STXBP5: variants seen among roughly 807,000 people sequenced by gnomAD.
STXBP5 encodes the protein syntaxin-binding protein 5.
Under a neutral mutation model 152.4 loss-of-function variants are expected in STXBP5, and 50 were observed. That is an observed-to-expected ratio of 0.33 (90% CI 0.26 to 0.42). STXBP5 has a LOEUF of 0.42. Ranked by LOEUF, STXBP5 falls within the 10% of genes least tolerant of loss-of-function variation. STXBP5 has a pLI of 1.00. For synonymous variants in STXBP5, 492 were observed against 494.7 expected (o/e 0.99, Z 0.07); for missense variants, 1,167 against 1,388.6 (o/e 0.84, Z 2.54).
At chr6:147,382,585 G>A (rs1786140632) in intron 26 of STXBP5, among the ~76,000 whole-genome samples, 193 bp from the exon 27 acceptor site, 2 of 151,998 alleles carry the variant, frequency 1.3e-5, no homozygotes, top group African/African-American at 2.4e-5. Context: ...GTTTTTGCAT[G>A]TTTGAAAAAG....
intron 11 of STXBP5, among the ~76,000 whole-genome samples, chr6:147,311,740 G>A (rs904121167): frequency 6.6e-6 from 1 of 151,938 alleles, no homozygotes; most frequent in Non-Finnish European, 1.5e-5. Context: ...GTAAAAATTT[G>A]TTGTAGTTCT....
At chr6:147,329,617 CTTTTTTTTTT>C (rs34913817) in intron 18 of STXBP5, among the ~76,000 whole-genome samples, 5 of 71,708 alleles carry the variant, frequency 7.0e-5, no homozygotes, top group East Asian at 5.1e-4. Flanking sequence ...GTTCTTCAGG[CTTTTTTTTTT>C]TTTTTTTTTT....
At chr6:147,338,535 CA>C (rs1783939959) in intron 19 of STXBP5, among the ~76,000 whole-genome samples, 1 of 151,368 alleles carries the variant, frequency 6.6e-6, no homozygotes, top group Admixed American at 6.6e-5. Flanking sequence ...AAAAATTACC[CA>C]AAAAATCTTA....
intron 9 of STXBP5, among the ~76,000 whole-genome samples, chr6:147,309,583 G>T (rs897415609): frequency 6.6e-6 from 1 of 152,070 alleles, no homozygotes; most frequent in East Asian, 1.9e-4. Context: ...ATCAGCCAAG[G>T]TTCTAGAAGA....
intron 8 of STXBP5, among the ~76,000 whole-genome samples, chr6:147,278,594 AC>A (rs1780555104): frequency 6.6e-6 from 1 of 152,040 alleles, no homozygotes; most frequent in African/African-American, 2.4e-5. Context: ...AATACTTGGA[AC>A]CCTGTAGAAG....
intron 2 of STXBP5, among the ~76,000 whole-genome samples, chr6:147,231,235 A>G (rs1055577715): frequency 2.6e-5 from 4 of 151,122 alleles, no homozygotes; most frequent in African/African-American, 7.3e-5. Flanking sequence ...TATTGCTTAC[A>G]TAGAGGGTCA....
At chr6:147,273,820 T>C (rs546937394) in intron 7 of STXBP5, among the ~76,000 whole-genome samples, 8 of 151,756 alleles carry the variant, frequency 5.3e-5, no homozygotes, top group Non-Finnish European at 8.8e-5. Flanking sequence ...GGTGTGGTGG[T>C]GGGCACCTGT....
intron 26 of STXBP5, among the ~76,000 whole-genome samples, chr6:147,374,552 A>C (rs1785718929): frequency 6.6e-6 from 1 of 152,212 alleles, no homozygotes; most frequent in African/African-American, 2.4e-5. Flanking sequence ...GGGGACTGAT[A>C]ATTTGGGATA....
Position 147,206,078 on chromosome 6 carries a change from C to A in STXBP5, c.248+10C>A. Reference sequence around the variant, plus strand: ...CTGGTGCTTTAAGGCTGTATCCTTTCTTTAATTTTATTTTTTAACTTCTAC... The same window carrying A: ...CTGGTGCTTTAAGGCTGTATCCTTTATTTAATTTTATTTTTTAACTTCTAC... On this transcript the variant is annotated intron_variant, in intron 2 of 27. Transcript: ENST00000321680. 6.2e-7 allele frequency: 1 copy of A among 1,608,086 alleles called. No homozygotes were observed. Among genetic ancestry groups the A allele is most frequent in the Non-Finnish European group, 8.5e-7 (1 of 1,174,854 alleles).
At chr6:147,323,395 CTT>C (rs1245885825) in intron 16 of STXBP5, among the ~76,000 whole-genome samples, 5 of 146,246 alleles carry the variant, frequency 3.4e-5, no homozygotes, top group Non-Finnish European at 3.0e-5. Flanking sequence ...TTTAATTCTT[CTT>C]TTTTTTTTTT....
At chr6:147,320,552 A>AGTGTGTGTGTGTGTGTGTGTGT (rs71552971) in intron 16 of STXBP5, among the ~76,000 whole-genome samples, 1 of 84,994 alleles carries the variant, frequency 1.2e-5, no homozygotes, top group Admixed American at 1.2e-4. Context: ...TGCTAATTTG[A>AGTGTGTGTGTGTGTGTGTGTGT]GTGTGTGTGT....
At chr6:147,276,928 C>G (rs1001766389) in intron 7 of STXBP5, among the ~76,000 whole-genome samples, 2 of 152,002 alleles carry the variant, frequency 1.3e-5, no homozygotes, top group African/African-American at 4.8e-5. Flanking sequence ...TGCTTTTGTA[C>G]TATCTTAAAG....
chr6:147,253,739 G>A (rs1039392798), intron 4 of STXBP5, among the ~76,000 whole-genome samples: 2 of 152,034 alleles, frequency 1.3e-5, no homozygotes, highest in Non-Finnish European at 2.9e-5. Context: ...AACTTACAAG[G>A]GATGTGAAAG....
chr6:147,364,391 G>C lies in STXBP5; in HGVS notation c.3081+225G>C, dbSNP rs369209134. Among the ~76,000 whole-genome samples, 108 of 152,176 alleles carry C rather than the reference G, an allele frequency of 7.1e-4. 2 individuals carry two copies. The highest frequency in any genetic ancestry group is 2.6e-3 in the African/African-American group (106 of 41,528). On this transcript the variant is annotated intron_variant, in intron 25 of 27. Coordinates refer to ENST00000321680, the MANE Select transcript of STXBP5 (RefSeq NM_001127715.4). ...CAGCTTCATCTTACTAATCCATATC[G>C]GTCTTTCCAGTGATGGCAGAGAAAT...
chr6:147,301,224 G>GA (rs1168472130), intron 9 of STXBP5, among the ~76,000 whole-genome samples: 2 of 152,066 alleles, frequency 1.3e-5, no homozygotes. Flanking sequence ...AGCCATTATT[G>GA]AAAATCATAT....
At chr6:147,274,134 A>G (rs539914798) in intron 7 of STXBP5, among the ~76,000 whole-genome samples, 1 of 152,218 alleles carries the variant, frequency 6.6e-6, no homozygotes, top group South Asian at 2.1e-4. Flanking sequence ...TATTTTTACA[A>G]ACATACACAT....
intron 7 of STXBP5, among the ~76,000 whole-genome samples, chr6:147,270,291 T>C (rs1370871204): frequency 2.0e-5 from 3 of 149,192 alleles, no homozygotes; most frequent in African/African-American, 5.0e-5. Flanking sequence ...CCCAGCTACT[T>C]GGGAGGCCGA....
chr6:147,237,290 ATACAT>A (rs1778325310), intron 3 of STXBP5, among the ~76,000 whole-genome samples: 1 of 152,114 alleles, frequency 6.6e-6, no homozygotes, highest in Admixed American at 6.6e-5. Context: ...TAAATTATAA[ATACAT>A]TATAAATACA....
intron 21 of STXBP5, among the ~76,000 whole-genome samples, chr6:147,341,618 C>T (rs1582969691): frequency 6.6e-6 from 1 of 152,162 alleles, no homozygotes; most frequent in East Asian, 1.9e-4. Flanking sequence ...AAGTTTGCCC[C>T]TGAGTTTTAC....
Sources: allele counts gnomAD v4.1 joint callset (sites outside exome capture counted in the v4.1 genomes callset), GRCh38; gene constraint gnomAD v4.1.1; transcripts MANE v1.5; gene names NCBI Gene and HGNC (gene_info 2026-07-23, HGNC 2026-07-21).